Variants in SBF2 observed in about 807,000 individuals in gnomAD.
SBF2 encodes the protein myotubularin-related protein 13.
A neutral mutation model predicts 225.2 loss-of-function variants in SBF2; 112 were observed. That is an observed-to-expected ratio of 0.50 (90% CI 0.43 to 0.58). The LOEUF is 0.58. Ranked by LOEUF, SBF2 falls within the 20% of genes least tolerant of loss-of-function variation. The pLI, the probability that SBF2 is intolerant of heterozygous loss-of-function variation, is 0.00. For synonymous variants in SBF2, 763 were observed against 773.3 expected (o/e 0.99, Z 0.22); for missense variants, 1,996 against 2,206.2 (o/e 0.90, Z 1.91).
intron 2 of SBF2, among the ~76,000 whole-genome samples, chr11:10,187,281 TCTCTCTCTCTCTCTCCTTTTTCTCTC>T (rs1956963308): frequency 1.3e-5 from 2 of 150,414 alleles, no homozygotes; most frequent in South Asian, 4.2e-4. Context: ...CTCTCTCTCC[TCTCTCTCTCTCTCTCCTTTTTCTCTC>T]CTCTCTCTCT....
intron 1 of SBF2, among the ~76,000 whole-genome samples, chr11:10,213,768 C>T (rs1353077103): frequency 6.6e-6 from 1 of 152,174 alleles, no homozygotes. Context: ...GCAAGGGAGG[C>T]TCAGTACAAA....
chr11:10,023,023 C>G (rs1162587800), intron 6 of SBF2, among the ~76,000 whole-genome samples: 3 of 152,092 alleles, frequency 2.0e-5, no homozygotes, highest in Non-Finnish European at 4.4e-5. Context: ...GCTGTTGATA[C>G]TTAGATCTTG....
At chr11:10,233,470 T>C (rs890938106) in intron 1 of SBF2, among the ~76,000 whole-genome samples, 14 of 152,082 alleles carry the variant, frequency 9.2e-5, no homozygotes, top group African/African-American at 3.4e-4. Context: ...CTTAATCTTA[T>C]ACCACTGATT....
At chr11:9,801,419 T>C (rs574099536) in intron 32 of SBF2, among the ~76,000 whole-genome samples, 145 of 152,272 alleles carry the variant, frequency 9.5e-4, no homozygotes, top group South Asian at 3.5e-3. Flanking sequence ...TAAAGGCCTA[T>C]AAAAATAAGC....
In SBF2 at chr11:10,096,581, C is replaced by T. The variant is rs189822566; in HGVS notation, c.142-53600G>A. Among the ~76,000 whole-genome samples the T allele has an allele frequency of 3.1e-3, 466 of 152,056 alleles. 5 individuals are homozygous for T. The highest frequency in any genetic ancestry group is 0.011 in the African/African-American group (455 of 41,510). ...ATAACAATACTTTAAAAAAGCCTTACGAGACTTAGAATAAAGTAATTATGC... is the reference window on the plus strand; with the variant it reads ...ATAACAATACTTTAAAAAAGCCTTATGAGACTTAGAATAAAGTAATTATGC... On this transcript the variant is annotated intron_variant, in intron 2 of 39. Coordinates refer to ENST00000256190, the MANE Select transcript of SBF2 (RefSeq NM_030962.4).
At chr11:10,031,526 TA>T (rs1195044058) in intron 3 of SBF2, among the ~76,000 whole-genome samples, 1 of 152,168 alleles carries the variant, frequency 6.6e-6, no homozygotes, top group East Asian at 1.9e-4. Context: ...GATGAAAAGT[TA>T]AAAAATGATA....
chr11:10,260,758 G>A (rs1278333157), intron 1 of SBF2, among the ~76,000 whole-genome samples: 5 of 150,904 alleles, frequency 3.3e-5, no homozygotes, highest in Admixed American at 2.0e-4. Context: ...GTGTGCACCC[G>A]TAGTCCCATC....
intron 30 of SBF2, 40 bp from the exon 31 acceptor site, chr11:9,809,042 T>G: frequency 1.3e-4 from 185 of 1,439,964 alleles, no homozygotes; most frequent in Non-Finnish European, 1.7e-4. Context: ...ACCAAGCGCT[T>G]TCTGAGTGCA....
intron 2 of SBF2, among the ~76,000 whole-genome samples, chr11:10,145,965 C>T (rs772071762): frequency 1.4e-4 from 22 of 152,088 alleles, no homozygotes; most frequent in Non-Finnish European, 1.3e-4. Flanking sequence ...GAATGCAGTT[C>T]CATTCACAAT....
At chr11:10,164,320 A>C (rs1216910049) in intron 2 of SBF2, among the ~76,000 whole-genome samples, 5 of 152,188 alleles carry the variant, frequency 3.3e-5, no homozygotes, top group Non-Finnish European at 7.4e-5. Flanking sequence ...CCTCAAAAAA[A>C]TTCACTTTAT....
At chr11:9,966,813 C>A (rs1866943701) in intron 14 of SBF2, among the ~76,000 whole-genome samples, 1 of 152,140 alleles carries the variant, frequency 6.6e-6, no homozygotes, top group African/African-American at 2.4e-5. Context: ...CGAAAGAAAT[C>A]TAAAATGGCA....
At chr11:10,052,233 T>C (rs1234833299) in intron 2 of SBF2, among the ~76,000 whole-genome samples, 3 of 152,012 alleles carry the variant, frequency 2.0e-5, no homozygotes, top group Admixed American at 1.3e-4. Flanking sequence ...GACCTAACAC[T>C]GTGCCCTCCT....
chr11:9,984,488 A>C (rs1947105588), intron 13 of SBF2, among the ~76,000 whole-genome samples: 1 of 152,222 alleles, frequency 6.6e-6, no homozygotes, highest in African/African-American at 2.4e-5. Context: ...GATAATTCTA[A>C]AAGCCTGGAA....
At chr11:9,909,175 A>T (rs891735753) in intron 16 of SBF2, among the ~76,000 whole-genome samples, 1 of 152,196 alleles carries the variant, frequency 6.6e-6, no homozygotes, top group African/African-American at 2.4e-5. Context: ...AAAATAAAGT[A>T]TTAGTATAGT....
intron 14 of SBF2, among the ~76,000 whole-genome samples, chr11:9,964,723 T>C (rs1338746737): frequency 1.3e-5 from 2 of 152,196 alleles, no homozygotes; most frequent in Admixed American, 1.3e-4. Context: ...TTCTAGTGTA[T>C]TACCTAGGCT....
intron 28 of SBF2, 64 bp downstream of exon 28, chr11:9,829,292 C>T: frequency 2.0e-6 from 3 of 1,537,344 alleles, no homozygotes; most frequent in Admixed American, 1.7e-5. Context: ...GTACAAATAA[C>T]CCTAGGAACA....
At chr11:9,955,881 C>CT (rs1866132570) in intron 16 of SBF2, among the ~76,000 whole-genome samples, 1 of 151,264 alleles carries the variant, frequency 6.6e-6, no homozygotes, top group South Asian at 2.1e-4. Flanking sequence ...TAAAAAAATA[C>CT]TTTTACCACG....
At chr11:10,154,541 CT>C (rs1222130402) in intron 2 of SBF2, among the ~76,000 whole-genome samples, 8 of 152,106 alleles carry the variant, frequency 5.3e-5, no homozygotes, top group Non-Finnish European at 1.2e-4. Flanking sequence ...ACTAAGTCTT[CT>C]TCCCCCTTAA....
intron 12 of SBF2, among the ~76,000 whole-genome samples, chr11:9,990,702 C>T (rs192336981): frequency 1.3e-5 from 2 of 152,212 alleles, no homozygotes; most frequent in East Asian, 3.9e-4. Context: ...TGGACAGAGT[C>T]CTTGCCTTAT....
Sources: gnomAD v4.1 joint callset for allele counts (sites outside exome capture counted in the v4.1 genomes callset) on GRCh38, gnomAD v4.1.1 for gene constraint, MANE v1.5 for transcripts, NCBI Gene and HGNC (gene_info 2026-07-23, HGNC 2026-07-21) for gene names.